Variants in KCND3 observed in about 807,000 individuals in gnomAD.
KCND3 encodes A-type voltage-gated potassium channel KCND3.
In KCND3, 9 loss-of-function variants were observed where a neutral mutation model predicts 51.1. That is an observed-to-expected ratio of 0.18 (90% CI 0.11 to 0.31). The LOEUF (loss-of-function observed/expected upper bound fraction) is 0.31, where lower values mean the gene tolerates loss of function less well. Ranked by LOEUF, KCND3 falls within the 10% of genes least tolerant of loss-of-function variation. The probability of loss-of-function intolerance (pLI) is 1.00; values close to 1 mark genes in which losing one functional copy is unlikely to be tolerated. For synonymous variants in KCND3, 349 were observed against 368.0 expected, an observed-to-expected ratio of 0.95 and a Z score of 0.59; for missense variants, 526 against 903.8, an observed-to-expected ratio of 0.58 and a Z score of 5.36.
intron 2 of KCND3, among the ~76,000 whole-genome samples, chr1:111,787,311 C>T (rs760535430): frequency 6.6e-6 from 1 of 152,180 alleles, no homozygotes. Flanking sequence ...AACATCCTAA[C>T]AAGACTGTAA....
At chr1:111,807,345 C>T (rs537570375) in intron 2 of KCND3, among the ~76,000 whole-genome samples, 5 of 152,212 alleles carry the variant, frequency 3.3e-5, no homozygotes, top group African/African-American at 1.2e-4. Context: ...TACACAAATA[C>T]TTACCATTGT....
intron 2 of KCND3, among the ~76,000 whole-genome samples, chr1:111,877,620 T>G (rs1474387664): frequency 1.3e-5 from 2 of 152,160 alleles, no homozygotes; most frequent in Non-Finnish European, 2.9e-5. Flanking sequence ...CAACAGCCAT[T>G]GCTCCTATTT....
At chr1:111,846,992 T>C (rs932476511) in intron 2 of KCND3, among the ~76,000 whole-genome samples, 8 of 152,230 alleles carry the variant, frequency 5.3e-5, no homozygotes, top group African/African-American at 1.9e-4. Flanking sequence ...CGGCACCTTT[T>C]GCTTCCATAT....
rs746264086 is a variant in KCND3 at position 111,981,413 on chromosome 1, A to G, written c.1106+208T>C. On this transcript the variant is annotated intron_variant, in intron 2 of 7. Coordinates refer to ENST00000302127, the MANE Select transcript of KCND3 (RefSeq NM_001378969.1). The surrounding 1 kb of genome is among the most constrained non-coding windows in gnomAD (Gnocchi z 6.2). Reference sequence around the variant, plus strand: ...CTATAAAACACATGCCCCGACCTCAAAAAGAAAACTCAATTCCCAGCAAGC... The same window carrying G: ...CTATAAAACACATGCCCCGACCTCAGAAAGAAAACTCAATTCCCAGCAAGC... 1.3e-5 allele frequency among the ~76,000 whole-genome samples: 2 copies of G among 152,152 alleles called. No individual in the cohort carries two copies. Among genetic ancestry groups the G allele is most frequent in the African/African-American group, 2.4e-5 (1 of 41,430 alleles).
At position 111,857,095 on chromosome 1, in the gene KCND3, C is replaced by T. The variant is rs540681069; in HGVS notation, c.1107-69989G>A. On this transcript the variant is annotated intron_variant, in intron 2 of 7. Coordinates refer to ENST00000302127, the MANE Select transcript of KCND3 (RefSeq NM_001378969.1). Reference sequence around the variant, plus strand: ...ACCCAGTTCCTGGACACTCGTCATGCGCCTTCTCATTGATTTCATTTACAA... The same window carrying T: ...ACCCAGTTCCTGGACACTCGTCATGTGCCTTCTCATTGATTTCATTTACAA... 2.3e-3 allele frequency among the ~76,000 whole-genome samples: 345 copies of T among 152,298 alleles called. 2 individuals are homozygous for T. Among genetic ancestry groups the T allele is most frequent in the African/African-American group, 8.0e-3 (331 of 41,554 alleles).
chr1:111,865,263 A>ACG (rs1668507009), intron 2 of KCND3, among the ~76,000 whole-genome samples: 1 of 152,266 alleles, frequency 6.6e-6, no homozygotes, highest in Non-Finnish European at 1.5e-5. Flanking sequence ...TAACACAAGA[A>ACG]TTCACAGAAC....
At chr1:111,974,947 C>T (rs1447272323) in intron 2 of KCND3, among the ~76,000 whole-genome samples, 1 of 152,242 alleles carries the variant, frequency 6.6e-6, no homozygotes, top group Non-Finnish European at 1.5e-5. Flanking sequence ...CGGTGTGAAG[C>T]ACCCAAAAGG....
chr1:111,874,646 T>C (rs1407401439), intron 2 of KCND3, among the ~76,000 whole-genome samples: 1 of 152,242 alleles, frequency 6.6e-6, no homozygotes, highest in Non-Finnish European at 1.5e-5. Flanking sequence ...AGATGAACTC[T>C]GCATTTGTGA....
chr1:111,832,732 G>A (rs904284704), intron 2 of KCND3, among the ~76,000 whole-genome samples: 25 of 152,170 alleles, frequency 1.6e-4, no homozygotes, highest in African/African-American at 5.3e-4. Context: ...ATGTGATGCC[G>A]AAGATAACGA....
rs186229494 is a variant in KCND3 at position 111,976,426 on chromosome 1, T to C, written c.1106+5195A>G. On this transcript the variant is annotated intron_variant, in intron 2 of 7. Transcript: ENST00000302127. ...CATGACTATATAGCTAACATTTTGATAGCACATTCATCGGTTCTCATATCG... is the reference window on the plus strand; with the variant it reads ...CATGACTATATAGCTAACATTTTGACAGCACATTCATCGGTTCTCATATCG... Among the ~76,000 whole-genome samples, 6 of 152,354 alleles carry C rather than the reference T, an allele frequency of 3.9e-5. No individual in the cohort carries two copies. In the East Asian group the frequency reaches 1.2e-3, roughly 29 times the overall value.
chr1:111,806,054 G>T (rs536115773), intron 2 of KCND3, among the ~76,000 whole-genome samples: 2 of 152,232 alleles, frequency 1.3e-5, no homozygotes, highest in South Asian at 4.2e-4. Flanking sequence ...ACATCTCACG[G>T]CTCCCACCAG....
At chr1:111,798,103 G>A (rs1391470622) in intron 2 of KCND3, among the ~76,000 whole-genome samples, 5 of 152,226 alleles carry the variant, frequency 3.3e-5, no homozygotes, top group Non-Finnish European at 5.9e-5. Context: ...GTGCAGGGGA[G>A]AATCTTGGGG....
At chr1:111,988,854 A>G (rs1388089429) in intron 1 of KCND3, 3 of 152,312 alleles carry the variant, frequency 2.0e-5, no homozygotes, top group Admixed American at 2.0e-4. Flanking sequence ...TCAAATGTCA[A>G]CACTAAGCAA....
intron 2 of KCND3, among the ~76,000 whole-genome samples, chr1:111,809,244 C>T (rs1665720733): frequency 6.6e-6 from 1 of 151,946 alleles, no homozygotes; most frequent in Admixed American, 6.6e-5. Context: ...AGTAAGAGCC[C>T]AAGGGGATAC....
chr1:111,828,995 A>G (rs1473688528), intron 2 of KCND3, among the ~76,000 whole-genome samples: 2 of 152,224 alleles, frequency 1.3e-5, no homozygotes, highest in Non-Finnish European at 2.9e-5. Flanking sequence ...TTGAGGTCTT[A>G]GCATTCATTC....
chr1:111,948,190 C>T (rs7535308), intron 2 of KCND3, among the ~76,000 whole-genome samples: 3,686 of 152,346 alleles, frequency 0.024, 150 homozygotes, highest in African/African-American at 0.084. Flanking sequence ...GCGTGGCCTC[C>T]CTCTCTGCTC....
chr1:111,901,317 C>T (rs17029019), intron 2 of KCND3, among the ~76,000 whole-genome samples: 2,489 of 152,300 alleles, frequency 0.016, 78 homozygotes, highest in African/African-American at 0.057. Flanking sequence ...GGTGAGATCC[C>T]ATGCAAGCTA....
In KCND3 at chr1:111,842,748, A is replaced by T. The variant is rs146318736; in HGVS notation, c.1107-55642T>A. On this transcript the variant is annotated intron_variant, in intron 2 of 7. Transcript: ENST00000302127. Reference sequence around the variant, plus strand: ...TATGATCTGAGAATATGTGGCAGATAGAATGAACCAAGAGGCACTGTCAGA... The same window carrying T: ...TATGATCTGAGAATATGTGGCAGATTGAATGAACCAAGAGGCACTGTCAGA... 2.6e-4 allele frequency among the ~76,000 whole-genome samples: 39 copies of T among 152,330 alleles called. No individual in the cohort carries two copies. In the East Asian group the frequency reaches 6.2e-3, roughly 24 times the overall value.
chr1:111,790,522 G>A (rs1664782345), intron 2 of KCND3, among the ~76,000 whole-genome samples: 1 of 152,124 alleles, frequency 6.6e-6, no homozygotes, highest in South Asian at 2.1e-4. Flanking sequence ...TCTCACCCAA[G>A]CTGAACCAAT....
Sources: gnomAD v4.1 joint callset for allele counts (sites outside exome capture counted in the v4.1 genomes callset) on GRCh38, gnomAD v4.1.1 for gene constraint, Gnocchi (gnomAD v3.1) non-coding constraint, MANE v1.5 for transcripts, NCBI Gene and HGNC (gene_info 2026-07-23, HGNC 2026-07-21) for gene names.